LINGO2: variants seen among roughly 807,000 people sequenced by gnomAD.
LINGO2 encodes the protein leucine rich repeat and Ig domain containing 2.
LINGO2 carries 14 observed loss-of-function variants against 30.6 expected under a neutral mutation model. That is an observed-to-expected ratio of 0.46 (90% CI 0.30 to 0.72). The LOEUF (loss-of-function observed/expected upper bound fraction) is 0.72. LINGO2 is among the 30% of genes least tolerant of loss of function. The pLI is 0.07. For missense variants in LINGO2, 729 were observed against 751.7 expected, an observed-to-expected ratio of 0.97 and a Z score of 0.35; for synonymous variants, 317 against 288.5, an observed-to-expected ratio of 1.10 and a Z score of -1.00.
intron 4 of LINGO2, among the ~76,000 whole-genome samples, chr9:28,073,714 G>T (rs537076944): frequency 6.6e-6 from 1 of 152,106 alleles, no homozygotes; most frequent in Non-Finnish European, 1.5e-5. Flanking sequence ...AGTCAATCTT[G>T]TTCTTTGGGA....
rs1024071929 is a variant in LINGO2, at chr9:28,427,257, G to A, written c.-279+48683C>T. 6.6e-5 allele frequency among the ~76,000 whole-genome samples: 10 copies of A among 152,172 alleles called. No individual in the cohort carries two copies. In the East Asian group the frequency reaches 1.9e-3, roughly 30 times the overall value. ...CACATTAAGAGCTCCCTTCTCTCCTGAGCACTGCTATAGATGGATAATGGG... is the reference window on the plus strand; with the variant it reads ...CACATTAAGAGCTCCCTTCTCTCCTAAGCACTGCTATAGATGGATAATGGG... On this transcript the variant is annotated intron_variant, in intron 2 of 5. Transcript: ENST00000379992.
rs372193797 is a variant in LINGO2 at position 28,519,805 on chromosome 9, A to T, written c.-364-43780T>A. Among the ~76,000 whole-genome samples, 7 of 152,258 alleles carry T rather than the reference A, an allele frequency of 4.6e-5. No individual in the cohort carries two copies. In the South Asian group the frequency reaches 1.5e-3, roughly 32 times the overall value. On this transcript the variant is annotated intron_variant, in intron 1 of 5. Coordinates refer to ENST00000379992, the Ensembl canonical transcript of LINGO2. Reference sequence around the variant, plus strand: ...TAATTTCGATGAGGTGAAATTTATCAAATTTCCCATTTATGGATCATGTTT... The same window carrying T: ...TAATTTCGATGAGGTGAAATTTATCTAATTTCCCATTTATGGATCATGTTT...
At position 28,524,529 on chromosome 9, in the gene LINGO2, G is replaced by C. The variant is rs182068184; in HGVS notation, c.-364-48504C>G. ...CAACACTTTGGGAGGCTGAGGCCGG[G>C]GGATCACAAGGTCAGGAGTTCAAGA... On this transcript the variant is annotated intron_variant, in intron 1 of 5. Transcript: ENST00000379992. Among the ~76,000 whole-genome samples the C allele has an allele frequency of 1.2e-4, 18 of 152,180 alleles. No individual in the cohort carries two copies. The East Asian group carries it at 3.3e-3, about 28-fold the overall frequency.
At chr9:28,230,825 A>G (rs1485578696) in intron 4 of LINGO2, among the ~76,000 whole-genome samples, 3 of 151,954 alleles carry the variant, frequency 2.0e-5, no homozygotes, top group Admixed American at 2.0e-4. Context: ...AATATGCCAC[A>G]TATTTCTTAC....
At chr9:28,839,579 G>C in the LINGO2 span, among the ~76,000 whole-genome samples, 1 of 152,074 alleles carries the variant, frequency 6.6e-6, no homozygotes, top group African/African-American at 2.4e-5. Flanking sequence ...ACCCACAATG[G>C]GTAGCTCCTT....
At position 28,057,493 on chromosome 9, in the gene LINGO2, C is replaced by A. The variant is rs537910417; in HGVS notation, c.-86-45088G>T. On this transcript the variant is annotated intron_variant, in intron 4 of 5. Coordinates refer to ENST00000379992, the Ensembl canonical transcript of LINGO2. Reference sequence around the variant, plus strand: ...GAAAATGAGCCTTGTTCATGGCTTTCCAGTTGTGAATGTATGCATATATGT... The same window carrying A: ...GAAAATGAGCCTTGTTCATGGCTTTACAGTTGTGAATGTATGCATATATGT... Among the ~76,000 whole-genome samples the A allele has an allele frequency of 2.0e-4, 24 of 122,196 alleles. No individual in the cohort carries two copies. In the South Asian group the frequency reaches 3.0e-3, roughly 15 times the overall value. The allele number at this position is 122,196 out of a possible 152,430, so 80.2% of individuals were successfully genotyped here.
In LINGO2 at chr9:28,437,581, G is replaced by A. The variant is rs569634038; in HGVS notation, c.-279+38359C>T. On this transcript the variant is annotated intron_variant, in intron 2 of 5. Coordinates refer to ENST00000379992, the Ensembl canonical transcript of LINGO2. ...CACACACACACACACACACACAGAC[G>A]CGCACACACACCCACACACACACAT... 2.4e-4 allele frequency among the ~76,000 whole-genome samples: 34 copies of A among 144,636 alleles called. No individual in the cohort carries two copies. The East Asian group carries it at 3.0e-3, about 13-fold the overall frequency. 94.9% of individuals were successfully genotyped at this position (144,636 alleles called of 152,430 possible).
chr9:28,867,728 CA>C, the LINGO2 span, among the ~76,000 whole-genome samples: 1 of 152,014 alleles, frequency 6.6e-6, no homozygotes. Flanking sequence ...GTAATCTGTC[CA>C]AGGTTAAACA....
At chr9:27,949,343 G>C (rs1823510054) in exon 6 of LINGO2, 2 of 1,613,990 alleles carry the variant, frequency 1.2e-6, no homozygotes, top group Admixed American at 1.7e-5. Context: ...GTGTCACCCA[G>C]GAAATCACAG....
chr9:29,114,664 T>C, the LINGO2 span, among the ~76,000 whole-genome samples: 2 of 150,990 alleles, frequency 1.3e-5, no homozygotes, highest in Non-Finnish European at 2.9e-5. Flanking sequence ...TTGGTTTTTT[T>C]GTCCTTGCGA....
chr9:27,960,170 T>C (rs895214645), intron 5 of LINGO2, among the ~76,000 whole-genome samples: 1 of 152,138 alleles, frequency 6.6e-6, no homozygotes, highest in Admixed American at 6.6e-5. Context: ...ACAACCAGCT[T>C]CCTTCCATTT....
At chr9:28,847,814 TATATAC>T in the LINGO2 span, among the ~76,000 whole-genome samples, 925 of 38,260 alleles carry the variant, frequency 0.024, 71 homozygotes, top group African/African-American at 0.072. Context: ...TATATATGTA[TATATAC>T]ATATATATGT....
intron 4 of LINGO2, among the ~76,000 whole-genome samples, chr9:28,027,190 G>A (rs1823421569): frequency 6.6e-6 from 1 of 152,168 alleles, no homozygotes. Flanking sequence ...TTTACTCTAT[G>A]CCAGAATTCA....
intron 5 of LINGO2, among the ~76,000 whole-genome samples, chr9:27,990,499 T>G (rs893211391): frequency 1.4e-5 from 2 of 138,324 alleles, no homozygotes; most frequent in African/African-American, 5.2e-5. Flanking sequence ...AGTAGTGAAC[T>G]TTACCCATCG....
the LINGO2 span, among the ~76,000 whole-genome samples, chr9:29,124,495 A>C: frequency 6.6e-6 from 1 of 152,280 alleles, no homozygotes; most frequent in Non-Finnish European, 1.5e-5. Flanking sequence ...ATGGGAGAAA[A>C]CTTTTGCAAT....
chr9:28,628,956 T>C (rs1256657367), intron 1 of LINGO2, among the ~76,000 whole-genome samples: 1 of 152,080 alleles, frequency 6.6e-6, no homozygotes, highest in Non-Finnish European at 1.5e-5. Context: ...TAGTTTACCA[T>C]TCGTAAAAGC....
chr9:28,156,601 A>C (rs1024436333), intron 4 of LINGO2, among the ~76,000 whole-genome samples: 2 of 152,300 alleles, frequency 1.3e-5, no homozygotes, highest in Non-Finnish European at 2.9e-5. Context: ...CAAAGTCTTA[A>C]CTCATTTCAG....
At chr9:28,995,930 T>G in the LINGO2 span, among the ~76,000 whole-genome samples, 1 of 151,270 alleles carries the variant, frequency 6.6e-6, no homozygotes, top group South Asian at 2.1e-4. Flanking sequence ...AAATGAGGAG[T>G]TAATGGGTGC....
At chr9:28,355,424 A>G (rs929605501) in intron 3 of LINGO2, among the ~76,000 whole-genome samples, 5 of 141,260 alleles carry the variant, frequency 3.5e-5, no homozygotes, top group Non-Finnish European at 6.1e-5. Flanking sequence ...TTGCCTTGGA[A>G]AAGTTTTTTC....
Sources: allele counts gnomAD v4.1 joint callset (sites outside exome capture counted in the v4.1 genomes callset), GRCh38; gene constraint gnomAD v4.1.1; transcripts MANE v1.5; gene names NCBI Gene and HGNC (gene_info 2026-07-23, HGNC 2026-07-21).